Variants in MACF1 observed in about 807,000 individuals in gnomAD.
MACF1 encodes the protein microtubule-actin cross-linking factor 1.
Under a neutral mutation model 854.8 loss-of-function variants are expected in MACF1, and 193 were observed. The observed-to-expected ratio is 0.23, with a 90% CI of 0.20 to 0.25. The LOEUF (loss-of-function observed/expected upper bound fraction) is 0.25, where lower values mean the gene tolerates loss of function less well. MACF1 is among the 10% of genes least tolerant of loss of function. MACF1 has a pLI of 1.00. For missense variants in MACF1, 7,722 were observed against 8,929.1 expected (o/e 0.86, Z 5.45); for synonymous variants, 3,185 against 3,226.7 (o/e 0.99, Z 0.44).
chr1:39,269,410 G>T, intron 6 of MACF1: 1 of 1,289,840 alleles, frequency 7.8e-7, no homozygotes, highest in Non-Finnish European at 1.0e-6. Context: ...ACAGCTTCCT[G>T]GATTATAGAA....
At position 39,117,224 on chromosome 1, in the gene MACF1, A is replaced by G. The variant is rs938591985; in HGVS notation, c.220+32786A>G. 2.6e-5 allele frequency among the ~76,000 whole-genome samples: 4 copies of G among 151,674 alleles called. No individual in the cohort carries two copies. In the South Asian group the frequency reaches 8.3e-4, roughly 32 times the overall value. On this transcript the variant is annotated intron_variant, in intron 2 of 93. Transcript: ENST00000361689. ...GAGTATTAGTTACCCTTTGCCCTCT[A>G]CTTGCTTGGTTTTTTTTCACTTTTA...
chr1:39,332,516 A>G lies in MACF1; in HGVS notation c.5928A>G (p.Gln1976=), dbSNP rs1171017152. ...QLMTHSYINV[Q]NGQRLLLLDK... Reference sequence around the variant, plus strand: ...TGACTCACAGCTATATTAATGTGCAAAATGGACAGAGGCTGCTTCTGTTAG... The same window carrying G: ...TGACTCACAGCTATATTAATGTGCAGAATGGACAGAGGCTGCTTCTGTTAG... Residue 1976 remains glutamine, a synonymous_variant, in exon 37 of 101, where the codon CAA becomes CAG. Transcript: ENST00000564288. The G allele has an allele frequency of 6.2e-7, 1 of 1,614,088 alleles. No homozygotes were observed. The highest frequency in any genetic ancestry group is 1.1e-5 in the South Asian group (1 of 91,080).
At chr1:39,129,702 A>G (rs1642948264) in intron 2 of MACF1, among the ~76,000 whole-genome samples, 1 of 151,640 alleles carries the variant, frequency 6.6e-6, no homozygotes, top group African/African-American at 2.4e-5. Flanking sequence ...GTAGTGTAAA[A>G]CCTCTTGTTT....
At chr1:39,199,191 T>C (rs1644359171) in intron 2 of MACF1, among the ~76,000 whole-genome samples, 1 of 151,906 alleles carries the variant, frequency 6.6e-6, no homozygotes, top group South Asian at 2.1e-4. Flanking sequence ...TTCACCGTGT[T>C]AGCCAGGATG....
At chr1:39,204,044 C>T (rs760833077), upstream of MACF1, among the ~76,000 whole-genome samples, 4 of 152,076 alleles carry the variant, frequency 2.6e-5, no homozygotes, top group Non-Finnish European at 5.9e-5. Context: ...GAGGCAGAGG[C>T]GGGAGGATTG....
At chr1:39,251,977 C>A in intron 4 of MACF1, 36 bp downstream of exon 4, 1 of 1,385,434 alleles carries the variant, frequency 7.2e-7, no homozygotes, top group Admixed American at 2.4e-5. Context: ...TCCCAGCTGG[C>A]ACTGCTGGCA....
At chr1:39,417,426 G>A (rs1270972922) in intron 58 of MACF1, among the ~76,000 whole-genome samples, 3 of 152,182 alleles carry the variant, frequency 2.0e-5, no homozygotes, top group African/African-American at 2.4e-5. Context: ...AAAAATTGGA[G>A]AGCACCACAA....
Position 39,452,887 on chromosome 1 carries a change from A to G in MACF1, c.20742+75A>G, listed in dbSNP as rs932831613. 10 of 1,535,572 alleles carry G rather than the reference A, an allele frequency of 6.5e-6. No homozygotes were observed. The South Asian group carries it at 9.4e-5, about 14-fold the overall frequency. On this transcript the variant is annotated intron_variant, in intron 87 of 100. Coordinates refer to ENST00000564288, the MANE Select transcript of MACF1 (RefSeq NM_001394062.1). ...GGCTGCCTACCACTAAATGAAAGCA[A>G]CTTTTTCTTGGAAATATCAGAGCTC...
chr1:39,445,559 A>C (rs922621349), intron 80 of MACF1, among the ~76,000 whole-genome samples: 5 of 152,216 alleles, frequency 3.3e-5, no homozygotes, highest in African/African-American at 9.7e-5. Flanking sequence ...AAGGGCATAA[A>C]ACACATGAAC....
chr1:39,357,436 A>G lies in MACF1; in HGVS notation c.11486A>G (p.Gln3829Arg), dbSNP rs1317482149. ...TTCATTCTGGCCACCCAGTCAGCTC[A>G]GGCCTTCTTGGATCAGCATGGCCAC... is the stretch of plus-strand genomic sequence containing the variant. ...QNFILATQSA[Q>R]AFLDQHGHNL... Residue 3829 changes from glutamine to arginine, a missense_variant, in exon 45 of 101, where the codon CAG becomes CGG. Transcript: ENST00000564288. 1.2e-6 allele frequency: 2 copies of G among 1,614,166 alleles called. No homozygotes were observed. The highest frequency in any genetic ancestry group is 1.7e-6 in the Non-Finnish European group (2 of 1,180,032).
chr1:39,149,725 C>T (rs1643536433), intron 2 of MACF1, among the ~76,000 whole-genome samples: 1 of 92,668 alleles, frequency 1.1e-5, no homozygotes, highest in Non-Finnish European at 2.5e-5. Context: ...AGGGTTCAGT[C>T]ATCCCAGCCC....
chr1:39,211,846 A>G (rs1016812320), intron 1 of MACF1, among the ~76,000 whole-genome samples: 1 of 152,002 alleles, frequency 6.6e-6, no homozygotes, highest in Non-Finnish European at 1.5e-5. Flanking sequence ...AAGCCACTGC[A>G]CTCTAGCCTG....
intron 26 of MACF1, among the ~76,000 whole-genome samples, chr1:39,312,316 T>TA (rs1168919194): frequency 6.6e-6 from 1 of 152,240 alleles, no homozygotes; most frequent in Non-Finnish European, 1.5e-5. Context: ...TTTATTCTCT[T>TA]ATACCTTTCA....
At position 39,086,803 on chromosome 1, in the gene MACF1, G is replaced by A. The variant is rs144232759; in HGVS notation, c.220+2365G>A. On this transcript the variant is annotated intron_variant, in intron 2 of 93. Transcript: ENST00000361689. ...GCTGGGTCAACTGAGCAAAGGGATG[G>A]TGGGTGCTGCGCTGTGCTGTGTTTC... Among the ~76,000 whole-genome samples, 21 of 152,322 alleles carry A rather than the reference G, an allele frequency of 1.4e-4. No homozygotes were observed. The East Asian group carries it at 3.7e-3, about 27-fold the overall frequency.
upstream of MACF1, among the ~76,000 whole-genome samples, chr1:39,201,585 C>T (rs559506835): frequency 3.3e-4 from 51 of 152,254 alleles, no homozygotes; most frequent in Non-Finnish European, 5.9e-5. Context: ...ATCTCTTGAC[C>T]TCATGATCCA....
At chr1:39,123,203 A>ATTTTTTTTT (rs10585991) in intron 2 of MACF1, among the ~76,000 whole-genome samples, 1 of 111,918 alleles carries the variant, frequency 8.9e-6, no homozygotes, top group Non-Finnish European at 1.8e-5. Context: ...ATATATATAA[A>ATTTTTTTTT]TTTTTTTTTT....
At chr1:39,386,557 A>T (rs916998330) in intron 57 of MACF1, among the ~76,000 whole-genome samples, 2 of 151,302 alleles carry the variant, frequency 1.3e-5, no homozygotes, top group Admixed American at 6.6e-5. Context: ...TCAGCCTCCC[A>T]AGTAGCTGGG....
intron 2 of MACF1, among the ~76,000 whole-genome samples, chr1:39,097,124 G>A (rs954679756): frequency 3.3e-5 from 5 of 151,974 alleles, no homozygotes; most frequent in African/African-American, 4.8e-5. Context: ...TGATCCACCC[G>A]CCTCAGCTTC....
intron 58 of MACF1, chr1:39,414,574 T>C: frequency 6.5e-7 from 1 of 1,543,254 alleles, no homozygotes; most frequent in Non-Finnish European, 8.8e-7. Context: ...GATAGTTCTT[T>C]TGTTCTTTTT....
Sources: allele counts gnomAD v4.1 joint callset (sites outside exome capture counted in the v4.1 genomes callset), GRCh38; gene constraint gnomAD v4.1.1; transcripts MANE v1.5; gene names NCBI Gene and HGNC (gene_info 2026-07-23, HGNC 2026-07-21).